Variants in STARD9 observed in about 807,000 individuals in gnomAD.
The protein encoded by STARD9 is StAR related lipid transfer domain containing 9, also known as stAR-related lipid transfer protein 9.
In STARD9, 346 loss-of-function variants were observed where a neutral mutation model predicts 399.8. The ratio of observed to expected loss-of-function variants is 0.87; its 90% CI spans 0.79 to 0.95. STARD9 has a LOEUF of 0.95. STARD9 is among the 40% of genes least tolerant of loss of function. The pLI, the probability that STARD9 is intolerant of heterozygous loss-of-function variation, is 0.00. For synonymous variants in STARD9, 2,203 were observed against 2,143.5 expected, an observed-to-expected ratio of 1.03 and a Z score of -0.77; for missense variants, 5,832 against 5,667.5, an observed-to-expected ratio of 1.03 and a Z score of -0.93.
At chr15:42,654,531 C>T (rs1461823764) in intron 9 of STARD9, among the ~76,000 whole-genome samples, 1 of 151,768 alleles carries the variant, frequency 6.6e-6, no homozygotes, top group Admixed American at 6.6e-5. Flanking sequence ...CCTAGAAAAC[C>T]CTAAAGACTT....
In STARD9 at chr15:42,718,777, A is replaced by C. The variant is rs1595839243; in HGVS notation, c.13868A>C (p.Gln4623Pro). The C allele has an allele frequency of 6.5e-7, 1 of 1,537,222 alleles. No homozygotes were observed. Among genetic ancestry groups the C allele is most frequent in the Non-Finnish European group, 8.7e-7 (1 of 1,146,904 alleles). ...GGTCACCTGTCTGTCATGGCAGCCCAGTCTGTGTATGATACATCCATGCCA... is the reference window on the plus strand; with the variant it reads ...GGTCACCTGTCTGTCATGGCAGCCCCGTCTGTGTATGATACATCCATGCCA... ...KEGHLSVMAAQSVYDTSMPRP... is the reference protein window; with the variant it reads ...KEGHLSVMAAPSVYDTSMPRP... Residue 4623 changes from glutamine (Q) to proline (P), a missense_variant, in exon 32 of 33, where the codon CAG becomes CCG. Physicochemically the swap from Gln to Pro is moderately conservative, Grantham distance 76. Coordinates refer to ENST00000290607, the MANE Select transcript of STARD9 (RefSeq NM_020759.3).
rs1174550800 is a variant in STARD9, at chr15:42,687,199, T to A, written c.5621T>A (p.Ile1874Asn). ...TGTGAATTTGAAAACCAAGTTGTAA[T>A]TTTAAATAAAAAACACAGTTTTCCA... The part of the protein sequence containing the change: ...KVCEFENQVV[I>N]LNKKHSFPAL... Residue 1874 changes from isoleucine to asparagine, a missense_variant, in exon 23 of 33, where the codon ATT becomes AAT. Physicochemically the swap from Ile to Asn is moderately radical, Grantham distance 149. Transcript: ENST00000290607. 1 of 1,537,404 alleles carries A rather than the reference T, an allele frequency of 6.5e-7. No homozygotes were observed. Among genetic ancestry groups the A allele is most frequent in the Non-Finnish European group, 8.7e-7 (1 of 1,146,966 alleles).
intron 3 of STARD9, among the ~76,000 whole-genome samples, chr15:42,588,185 G>T (rs78263141): frequency 0.016 from 2,458 of 151,532 alleles, 60 homozygotes; most frequent in African/African-American, 0.055. Flanking sequence ...CTTAGAGGGG[G>T]TGTGTGAATG....
Position 42,675,952 on chromosome 15 carries a change from CT to C in STARD9, c.1852del (p.Ser618ProfsTer40). 1 of 1,536,038 alleles carries C rather than the reference CT, an allele frequency of 6.5e-7. No homozygotes were observed. The highest frequency in any genetic ancestry group is 2.0e-5 in the Admixed American group (1 of 50,852). ...GDLAASRLGL[S>X]PLLWKERRAL... The stretch of plus-strand genomic sequence containing the variant: ...ATCTCGCTGCCTCCCGGCTGGGTCT[CT>C]CCCCTTTGCTTTGGAAGGAAAGGTA... On this transcript the variant is annotated frameshift_variant, in exon 20 of 33. Transcript: ENST00000290607. LOFTEE classifies it high-confidence loss of function.
intron 10 of STARD9, among the ~76,000 whole-genome samples, chr15:42,661,736 C>T (rs761091016): frequency 2.6e-5 from 4 of 151,840 alleles, no homozygotes; most frequent in African/African-American, 4.8e-5. Context: ...GGATTACAAG[C>T]GTGAGCCACT....
chr15:42,609,382 A>G (rs1307342189), intron 3 of STARD9, among the ~76,000 whole-genome samples: 1 of 152,174 alleles, frequency 6.6e-6, no homozygotes, highest in Admixed American at 6.5e-5. Flanking sequence ...GGTATGGTCA[A>G]AAGATTCTTT....
chr15:42,613,217 C>CT (rs930641379), intron 3 of STARD9, among the ~76,000 whole-genome samples: 4 of 151,560 alleles, frequency 2.6e-5, no homozygotes, highest in Non-Finnish European at 4.4e-5. Context: ...TTTTTCTTTC[C>CT]TTTTTTTGTT....
intron 32 of STARD9, 93 bp from the exon 33 acceptor site, chr15:42,719,380 C>A: frequency 1.3e-6 from 1 of 785,686 alleles, no homozygotes; most frequent in Non-Finnish European, 2.1e-6. Flanking sequence ...CTTCTCCCAT[C>A]ACCACAGGCT....
chr15:42,665,876 T>C lies in STARD9; in HGVS notation c.1317+28T>C, dbSNP rs2060091242. 17 of 1,529,152 alleles carry C rather than the reference T, an allele frequency of 1.1e-5. No homozygotes were observed. The East Asian group carries it at 4.2e-4, about 37-fold the overall frequency. The allele number at this position is 1,529,152 out of a possible 1,614,324, so 94.7% of individuals were successfully genotyped here. ...GGGTGTGTTGGGTGGACTCAGTTGT[T>C]CTTTACATCACCTGGGAGCTCCTCC... On this transcript the variant is annotated intron_variant, in intron 15 of 32. Transcript: ENST00000290607.
chr15:42,691,458 G>A lies in STARD9; in HGVS notation c.9880G>A (p.Gly3294Ser), dbSNP rs1003297175. 6.5e-7 allele frequency: 1 copy of A among 1,537,190 alleles called. No individual in the cohort carries two copies. Among genetic ancestry groups the A allele is most frequent in the South Asian group, 1.2e-5 (1 of 84,058 alleles). The change falls in exon 23 of 33, where the codon GGC (glycine) becomes AGC (serine). Residue 3294 changes from glycine to serine, a missense_variant. Transcript: ENST00000290607. ...AAQRSGHLYTGREQPAPNHRG... is the reference protein window; with the variant it reads ...AAQRSGHLYTSREQPAPNHRG... ...TCAGAGGAGTGGCCACCTCTACACT[G>A]GCAGAGAGCAGCCAGCACCCAACCA...
chr15:42,674,368 A>G, intron 16 of STARD9, 72 bp from the exon 17 acceptor site: 1 of 1,188,390 alleles, frequency 8.4e-7, no homozygotes, highest in Non-Finnish European at 1.2e-6. Flanking sequence ...GAATATTCTA[A>G]TGTGGACTCT....
At position 42,690,817 on chromosome 15, in the gene STARD9, G is replaced by A; in HGVS notation, c.9239G>A (p.Gly3080Glu). ...CACTCAGCTACTGATGGAAGCGTGG[G>A]GTTAATAGGGGTTCCTGAGAAAAAG... ...FSHSATDGSV[G>E]LIGVPEKKVA... is the part of the protein sequence containing the mutation. The change falls in exon 23 of 33, where the codon GGG (glycine) becomes GAG (glutamate). Residue 3080 changes from glycine (G) to glutamate (E), a missense_variant. Physicochemically the swap from Gly to Glu is moderately conservative, Grantham distance 98. Around this residue, in one of 2 missense-constraint regions of STARD9, gnomAD observed 5,828 missense variants for 5,651.1 expected, o/e 1.03. Coordinates refer to ENST00000290607, the MANE Select transcript of STARD9 (RefSeq NM_020759.3). 6.5e-7 allele frequency: 1 copy of A among 1,537,140 alleles called. No individual in the cohort carries two copies. Among genetic ancestry groups the A allele is most frequent in the South Asian group, 1.2e-5 (1 of 84,064 alleles).
At chr15:42,593,058 A>C (rs772669698) in intron 3 of STARD9, among the ~76,000 whole-genome samples, 1 of 152,188 alleles carries the variant, frequency 6.6e-6, no homozygotes, top group Non-Finnish European at 1.5e-5. Flanking sequence ...TGCCCAGCCC[A>C]GTACTTGGCA....
intron 26 of STARD9, among the ~76,000 whole-genome samples, chr15:42,704,182 A>G (rs1004203334): frequency 2.0e-5 from 3 of 152,198 alleles, no homozygotes; most frequent in Non-Finnish European, 4.4e-5. Flanking sequence ...AAGTGCTGGG[A>G]TTACAGGCAT....
intron 3 of STARD9, among the ~76,000 whole-genome samples, chr15:42,608,619 T>C (rs999259904): frequency 6.6e-6 from 1 of 152,208 alleles, no homozygotes; most frequent in African/African-American, 2.4e-5. Flanking sequence ...TGTTTTCTTA[T>C]ATAAAATTAT....
chr15:42,717,675 C>G (rs1388931151), intron 28 of STARD9, 56 bp from the exon 29 acceptor site: 1 of 1,469,884 alleles, frequency 6.8e-7, no homozygotes, highest in African/African-American at 1.4e-5. Flanking sequence ...CTGACTAACC[C>G]AGGGGCTTAG....
chr15:42,588,327 A>G (rs1489461124), intron 3 of STARD9, among the ~76,000 whole-genome samples: 1 of 152,086 alleles, frequency 6.6e-6, no homozygotes, highest in African/African-American at 2.4e-5. Flanking sequence ...ATCTAGTGAA[A>G]GCCCAAAAGG....
intron 20 of STARD9, among the ~76,000 whole-genome samples, chr15:42,679,256 T>C (rs2060376822): frequency 6.6e-6 from 1 of 152,382 alleles, no homozygotes; most frequent in Non-Finnish European, 1.5e-5. Flanking sequence ...ATGATACATA[T>C]GGATGTATGT....
chr15:42,593,685 A>G (rs2058446088), intron 3 of STARD9, among the ~76,000 whole-genome samples: 1 of 90,770 alleles, frequency 1.1e-5, no homozygotes, highest in African/African-American at 4.2e-5. Context: ...TTTTTTTGAG[A>G]CAGAGTCTCA....
Sources: allele counts gnomAD v4.1 joint callset (sites outside exome capture counted in the v4.1 genomes callset), GRCh38; gene constraint gnomAD v4.1.1; regional missense constraint gnomAD v4.1.1; transcripts MANE v1.5; gene names NCBI Gene and HGNC (gene_info 2026-07-23, HGNC 2026-07-21).